The following ATP2B2 variants were observed in gnomAD, a reference collection of about 807,000 sequenced individuals.
ATP2B2 encodes ATPase plasma membrane Ca2+ transporting 2.
A neutral mutation model predicts 120.0 loss-of-function variants in ATP2B2; 15 were observed. That is an observed-to-expected ratio of 0.12 (90% CI 0.08 to 0.19). The LOEUF is 0.19. Ranked by LOEUF, ATP2B2 falls within the 10% of genes least tolerant of loss-of-function variation. The pLI is 1.00. For missense variants in ATP2B2, 1,045 were observed against 1,719.8 expected (o/e 0.61, Z 6.94); for synonymous variants, 694 against 700.3 (o/e 0.99, Z 0.14).
chr3:10,386,315 G>C (rs1481373064), intron 7 of ATP2B2, among the ~76,000 whole-genome samples, 165 bp downstream of exon 7: 1 of 152,174 alleles, frequency 6.6e-6, no homozygotes. Context: ...TTGTCCCACA[G>C]GGCTGGCATC....
chr3:10,424,497 T>C (rs2063086880), intron 2 of ATP2B2, among the ~76,000 whole-genome samples: 2 of 152,224 alleles, frequency 1.3e-5, no homozygotes, highest in African/African-American at 2.4e-5. Flanking sequence ...TGGGAAAACT[T>C]AGTCACCAGA....
At chr3:10,516,837 C>T (rs1298952831) in intron 3 of ATP2B2, among the ~76,000 whole-genome samples, 1 of 152,192 alleles carries the variant, frequency 6.6e-6, no homozygotes, top group African/African-American at 2.4e-5. Flanking sequence ...TGGAAGTGTC[C>T]ACCCTGTGGA....
chr3:10,446,742 G>A (rs2063850029), intron 2 of ATP2B2, among the ~76,000 whole-genome samples: 1 of 152,194 alleles, frequency 6.6e-6, no homozygotes, highest in Non-Finnish European at 1.5e-5. Flanking sequence ...TCTCCTCAGA[G>A]ATCTTGGCCA....
At chr3:10,359,219 T>C (rs2060826197) in intron 13 of ATP2B2, among the ~76,000 whole-genome samples, 1 of 152,244 alleles carries the variant, frequency 6.6e-6, no homozygotes, top group Non-Finnish European at 1.5e-5. Context: ...TAGTAGTTCT[T>C]GACCCTGCCT....
intron 1 of ATP2B2, among the ~76,000 whole-genome samples, chr3:10,645,353 C>G (rs146573550): frequency 2.8e-4 from 42 of 152,258 alleles, no homozygotes; most frequent in Admixed American, 1.0e-3. Flanking sequence ...GTGGATTAAG[C>G]AATAGCAGTG....
At position 10,530,420 on chromosome 3, in the gene ATP2B2, T is replaced by A. The variant is rs529327637; in HGVS notation, c.-320+3619A>T. Among the ~76,000 whole-genome samples, 405 of 152,352 alleles carry A rather than the reference T, an allele frequency of 2.7e-3. 4 individuals are homozygous for A. Among genetic ancestry groups the A allele is most frequent in the Non-Finnish European group, 5.0e-3 (341 of 68,036 alleles). Reference sequence around the variant, plus strand: ...TGCACCTGGCAGAGGGGAGACGACCTGCGGCCGGAGTGTCCCACCGCACCA... The same window carrying A: ...TGCACCTGGCAGAGGGGAGACGACCAGCGGCCGGAGTGTCCCACCGCACCA... On this transcript the variant is annotated intron_variant, in intron 3 of 21. Transcript: ENST00000646379.
At chr3:10,577,071 A>G (rs201865261) in intron 2 of ATP2B2, among the ~76,000 whole-genome samples, 3,345 of 148,750 alleles carry the variant, frequency 0.022, 70 homozygotes, top group Admixed American at 0.038. Flanking sequence ...AAAAAAAAAA[A>G]AAGAAGCTGC....
intron 1 of ATP2B2, among the ~76,000 whole-genome samples, chr3:10,502,162 T>C (rs1344020049): frequency 6.6e-6 from 1 of 152,202 alleles, no homozygotes; most frequent in Admixed American, 6.5e-5. Flanking sequence ...GAGATTTCTT[T>C]CCTTTTTTCC....
At chr3:10,445,402 T>C (rs2086151971) in intron 2 of ATP2B2, among the ~76,000 whole-genome samples, 1 of 149,444 alleles carries the variant, frequency 6.7e-6, no homozygotes, top group Admixed American at 6.6e-5. Context: ...AAGGGAACAG[T>C]AGAGGTAAGA....
intron 5 of ATP2B2, among the ~76,000 whole-genome samples, chr3:10,389,692 AC>A (rs2061788413): frequency 1.3e-5 from 2 of 152,254 alleles, no homozygotes; most frequent in African/African-American, 4.8e-5. Flanking sequence ...TGATGGTTGC[AC>A]AAAAACGTGA....
intron 2 of ATP2B2, among the ~76,000 whole-genome samples, chr3:10,553,959 G>T (rs1016285765): frequency 7.2e-6 from 1 of 139,790 alleles, no homozygotes; most frequent in Admixed American, 7.5e-5. Flanking sequence ...AGAAGCAAGA[G>T]ATTATAATGA....
At chr3:10,673,461 A>G (rs1054506282) in intron 1 of ATP2B2, among the ~76,000 whole-genome samples, 1 of 151,184 alleles carries the variant, frequency 6.6e-6, no homozygotes, top group Non-Finnish European at 1.5e-5. Flanking sequence ...GAGAGAGAGA[A>G]GGGAAAAAAA....
intron 3 of ATP2B2, among the ~76,000 whole-genome samples, chr3:10,511,399 A>C (rs73811921): frequency 2.6e-5 from 4 of 152,338 alleles, no homozygotes; most frequent in African/African-American, 9.6e-5. Flanking sequence ...TATCCCTAGC[A>C]CTGGGAAAAG....
At chr3:10,700,364 A>G (rs1385780360) in intron 1 of ATP2B2, among the ~76,000 whole-genome samples, 1 of 152,126 alleles carries the variant, frequency 6.6e-6, no homozygotes, top group Non-Finnish European at 1.5e-5. Flanking sequence ...AACAAATAAC[A>G]TGATTTCCTG....
chr3:10,705,943 G>A (rs1454889416), intron 1 of ATP2B2, among the ~76,000 whole-genome samples: 1 of 152,166 alleles, frequency 6.6e-6, no homozygotes, highest in African/African-American at 2.4e-5. Context: ...GCCGGCCTAC[G>A]TAGCTGGGAC....
At chr3:10,360,320 G>A (rs1322221184) in intron 12 of ATP2B2, among the ~76,000 whole-genome samples, 197 bp from the exon 13 acceptor site, 1 of 152,218 alleles carries the variant, frequency 6.6e-6, no homozygotes, top group Admixed American at 6.5e-5. Context: ...CGGGTGAAAG[G>A]AGTGAAGCAA....
At chr3:10,565,572 T>C (rs2067992600) in intron 2 of ATP2B2, among the ~76,000 whole-genome samples, 1 of 152,130 alleles carries the variant, frequency 6.6e-6, no homozygotes, top group Non-Finnish European at 1.5e-5. Flanking sequence ...TTGGGCAAAT[T>C]ATTTTTCTAA....
At position 10,493,059 on chromosome 3, in the gene ATP2B2, T is replaced by C. The variant is rs115827054; in HGVS notation, c.-320+12406A>G. 7.3e-3 allele frequency among the ~76,000 whole-genome samples: 1,116 copies of C among 152,186 alleles called. 15 individuals are homozygous for C. The highest frequency in any genetic ancestry group is 0.025 in the African/African-American group (1,020 of 41,484). On this transcript the variant is annotated intron_variant, in intron 1 of 22. Transcript: ENST00000360273. ...CATTCATTCATTCATTCCACACAAA[T>C]CTGCTGAGCACCTCCCCTGTCCTAG...
At chr3:10,475,834 G>A (rs773051621) in intron 1 of ATP2B2, among the ~76,000 whole-genome samples, 1 of 152,128 alleles carries the variant, frequency 6.6e-6, no homozygotes, top group Non-Finnish European at 1.5e-5. Context: ...CCCTGCAGTC[G>A]GTTGATTCTG....
Sources: allele counts gnomAD v4.1 joint callset (sites outside exome capture counted in the v4.1 genomes callset), GRCh38; gene constraint gnomAD v4.1.1; transcripts MANE v1.5; gene names NCBI Gene and HGNC (gene_info 2026-07-23, HGNC 2026-07-21).